The following HAUS8 variants were observed in gnomAD, a reference collection of about 807,000 sequenced individuals.
HAUS8 encodes the protein HAUS augmin like complex subunit 8.
Under a neutral mutation model 42.9 loss-of-function variants are expected in HAUS8, and 38 were observed. The observed-to-expected ratio is 0.89, with a 90% CI of 0.68 to 1.16. HAUS8 has a LOEUF of 1.16. HAUS8 is among the 50% of genes most tolerant of loss of function. The probability of loss-of-function intolerance (pLI) is 0.00; values close to 1 mark genes in which losing one functional copy is unlikely to be tolerated. For synonymous variants in HAUS8, 199 were observed against 205.8 expected (o/e 0.97, Z 0.28); for missense variants, 494 against 511.6 (o/e 0.97, Z 0.33).
intron 4 of HAUS8, among the ~76,000 whole-genome samples, chr19:17,062,129 T>C (rs1370034578): frequency 6.6e-6 from 1 of 152,152 alleles, no homozygotes. Context: ...GTCTTCTTGT[T>C]GATGTTGTTG....
At chr19:17,058,505 C>T (rs2057339161) in intron 8 of HAUS8, 44 bp downstream of exon 8, 1 of 1,533,182 alleles carries the variant, frequency 6.5e-7, no homozygotes, top group Admixed American at 2.1e-5. Context: ...GGGACAGATT[C>T]ACAGGGAACA....
chr19:17,063,642 A>G (rs1047478823), intron 3 of HAUS8, among the ~76,000 whole-genome samples: 1 of 152,222 alleles, frequency 6.6e-6, no homozygotes, highest in African/African-American at 2.4e-5. Context: ...TGAGATCAGC[A>G]TTTGAATTGG....
At chr19:17,060,383 C>A (rs2057353372) in intron 4 of HAUS8, 2 of 312,954 alleles carry the variant, frequency 6.4e-6, no homozygotes, top group South Asian at 1.3e-4. Flanking sequence ...GGATACGATG[C>A]CATATTCCCA....
intron 10 of HAUS8, among the ~76,000 whole-genome samples, chr19:17,051,486 T>A (rs1426583157): frequency 6.6e-6 from 1 of 151,762 alleles, no homozygotes; most frequent in Non-Finnish European, 1.5e-5. Context: ...CTTTAAGATC[T>A]GGGCCATTTC....
Position 17,060,697 on chromosome 19 carries a change from C to T in HAUS8, c.230-605G>A, listed in dbSNP as rs74419669. 2.3e-3 allele frequency among the ~76,000 whole-genome samples: 350 copies of T among 152,312 alleles called. 8 individuals carry two copies. In the East Asian group the frequency reaches 0.051, roughly 22 times the overall value. Reference sequence around the variant, plus strand: ...TGTTGGGATTACAGGCATGAGCCACCGCACTCAGCCAAGTAATCTTTCCAT... The same window carrying T: ...TGTTGGGATTACAGGCATGAGCCACTGCACTCAGCCAAGTAATCTTTCCAT... On this transcript the variant is annotated intron_variant, in intron 4 of 10. Coordinates refer to ENST00000253669, the MANE Select transcript of HAUS8 (RefSeq NM_033417.2).
chr19:17,063,401 G>A (rs1248919642), intron 3 of HAUS8, among the ~76,000 whole-genome samples: 1 of 152,228 alleles, frequency 6.6e-6, no homozygotes, highest in Non-Finnish European at 1.5e-5. Flanking sequence ...CAATATCACA[G>A]TGGAGGTCCT....
chr19:17,052,329 A>G (rs1398273220), intron 10 of HAUS8: 1 of 153,432 alleles, frequency 6.5e-6, no homozygotes, highest in Non-Finnish European at 1.4e-5. Context: ...TGAGTCTTAT[A>G]CTCTGTGAAT....
chr19:17,060,646 G>A (rs1355072320), intron 4 of HAUS8, among the ~76,000 whole-genome samples: 1 of 152,186 alleles, frequency 6.6e-6, no homozygotes, highest in African/African-American at 2.4e-5. Flanking sequence ...GGCTTCAGGT[G>A]ATCTATCCAC....
chr19:17,066,904 C>T (rs1206665296), intron 3 of HAUS8, among the ~76,000 whole-genome samples: 5 of 152,160 alleles, frequency 3.3e-5, no homozygotes, highest in Admixed American at 1.3e-4. Flanking sequence ...GAATACTATT[C>T]GGCCATAAGA....
At chr19:17,059,864 G>C in intron 5 of HAUS8, 133 bp downstream of exon 5, 1 of 717,520 alleles carries the variant, frequency 1.4e-6, no homozygotes. Flanking sequence ...GTATATTTTT[G>C]ATGTACAATA....
chr19:17,067,098 G>C (rs560003728), intron 3 of HAUS8, among the ~76,000 whole-genome samples: 2 of 151,924 alleles, frequency 1.3e-5, no homozygotes, highest in Non-Finnish European at 1.5e-5. Context: ...CCAGCTACTC[G>C]GGAGGCTGAG....
intron 8 of HAUS8, 84 bp from the exon 9 acceptor site, chr19:17,056,086 TAA>T (rs3214849): frequency 0.28 from 374,636 of 1,335,144 alleles, 54,291 homozygotes; most frequent in African/African-American, 0.38. Context: ...TGTGCAGGGT[TAA>T]GATACAGCGC....
chr19:17,056,913 T>G (rs73504817), intron 8 of HAUS8, among the ~76,000 whole-genome samples: 4 of 151,878 alleles, frequency 2.6e-5, no homozygotes, highest in Non-Finnish European at 5.9e-5. Flanking sequence ...CAGATCTTAC[T>G]GTGTTGCCCA....
rs566498177 is a variant in HAUS8 at position 17,062,307 on chromosome 19, T to C, written c.229+391A>G. ...CCATCATGGCCAGCTAATTTTTGTA[T>C]TTTTAGTAGAAATGGGGTTTCACTA... On this transcript the variant is annotated intron_variant, in intron 4 of 10. Transcript: ENST00000253669. Among the ~76,000 whole-genome samples, 74 of 152,306 alleles carry C rather than the reference T, an allele frequency of 4.9e-4. No individual in the cohort carries two copies. The Middle Eastern group carries it at 0.01, about 21-fold the overall frequency.
intron 10 of HAUS8, 90 bp from the exon 11 acceptor site, chr19:17,050,266 C>G: frequency 1.0e-6 from 1 of 992,358 alleles, no homozygotes; most frequent in Non-Finnish European, 1.4e-6. Context: ...CACGGGGAGG[C>G]GGATTTTCAC....
At chr19:17,061,298 T>A (rs1473943131) in intron 4 of HAUS8, among the ~76,000 whole-genome samples, 2 of 151,944 alleles carry the variant, frequency 1.3e-5, no homozygotes, top group African/African-American at 2.4e-5. Context: ...GCCCAGATAA[T>A]TTTTTATTTT....
Position 17,073,559 on chromosome 19 carries a change from G to A in HAUS8, c.30-224C>T, listed in dbSNP as rs78838661. ...TAGGTGAACACCCAAACTGAGAAGA[G>A]AGGAGGGTAATGAGAGCTCTGTGGA... On this transcript the variant is annotated intron_variant, in intron 1 of 10. Coordinates refer to ENST00000253669, the MANE Select transcript of HAUS8 (RefSeq NM_033417.2). 2,066 of 577,274 alleles carry A rather than the reference G, an allele frequency of 3.6e-3. 6 individuals carry two copies. The highest frequency in any genetic ancestry group is 7.2e-3 in the Admixed American group (241 of 33,388). 35.8% of individuals were successfully genotyped at this position (577,274 alleles called of 1,614,324 possible). A position where few individuals can be genotyped will look rare whatever the true frequency, so the allele number is the denominator to read the frequency against.
chr19:17,063,070 T>C (rs746263926), intron 3 of HAUS8, among the ~76,000 whole-genome samples: 3 of 152,188 alleles, frequency 2.0e-5, no homozygotes, highest in African/African-American at 4.8e-5. Flanking sequence ...ATTTGCTAGT[T>C]TTCCAGAGAG....
rs201393520 is a variant in HAUS8, at chr19:17,055,937, G to C, written c.711C>G (p.Ala237=). The C allele has an allele frequency of 3.7e-5, 60 of 1,614,166 alleles. 1 individual carries two copies. In the East Asian group the frequency reaches 1.3e-3, roughly 36 times the overall value. ...TRFKEQYRTF[A]TALDTTRHEL... is the part of the protein sequence containing the mutation. Reference sequence around the variant, plus strand: ...CGTGCCTGGTAGTGTCCAGGGCCGTGGCGAATGTCCTGTATTGCTCCTTGA... The same window carrying C: ...CGTGCCTGGTAGTGTCCAGGGCCGTCGCGAATGTCCTGTATTGCTCCTTGA... The change falls in exon 9 of 11, where the codon GCC becomes GCG. Residue 237 remains alanine, a synonymous_variant. Transcript: ENST00000253669.
Sources: gnomAD v4.1 joint callset for allele counts (sites outside exome capture counted in the v4.1 genomes callset) on GRCh38, gnomAD v4.1.1 for gene constraint, MANE v1.5 for transcripts, NCBI Gene and HGNC (gene_info 2026-07-23, HGNC 2026-07-21) for gene names.